The following GALNT14 variants were observed in gnomAD, a reference collection of about 807,000 sequenced individuals.
GALNT14 encodes the protein polypeptide N-acetylgalactosaminyltransferase 14, also known as UDP-GalNAc:polypeptide N-acetylgalactosaminyltransferase 14.
Under a neutral mutation model 77.5 loss-of-function variants are expected in GALNT14, and 60 were observed. The ratio of observed to expected loss-of-function variants is 0.77; its 90% confidence interval spans 0.63 to 0.96. GALNT14 has a LOEUF of 0.96. GALNT14 is among the 40% of genes least tolerant of loss of function. The probability of loss-of-function intolerance (pLI) is 0.00; values close to 1 mark genes in which losing one functional copy is unlikely to be tolerated. For synonymous variants in GALNT14, 280 were observed against 281.7 expected (o/e 0.99, Z 0.06); for missense variants, 710 against 731.0 (o/e 0.97, Z 0.33).
intron 1 of GALNT14, among the ~76,000 whole-genome samples, chr2:31,045,447 C>G (rs945911857): frequency 5.3e-5 from 8 of 152,118 alleles, no homozygotes; most frequent in African/African-American, 1.9e-4. Flanking sequence ...CATGACCCCT[C>G]CCCCATTTTC....
chr2:31,047,039 C>T lies in GALNT14; in HGVS notation c.130-54032G>A, dbSNP rs546404883. Among the ~76,000 whole-genome samples, 214 of 152,306 alleles carry T rather than the reference C, an allele frequency of 1.4e-3. 2 individuals carry two copies. The highest frequency in any genetic ancestry group is 4.7e-3 in the African/African-American group (197 of 41,558). On this transcript the variant is annotated intron_variant, in intron 1 of 14. Transcript: ENST00000349752. ...GAAGTGGCTTGGCTGGAAGTAGAAC[C>T]TCCTGTGTGGGGTGTAATCTCACAG...
At chr2:31,078,031 CAG>C (rs1675909438) in intron 1 of GALNT14, among the ~76,000 whole-genome samples, 1 of 152,186 alleles carries the variant, frequency 6.6e-6, no homozygotes, top group Non-Finnish European at 1.5e-5. Flanking sequence ...CAGCTTAAGT[CAG>C]AAGCTGAGGA....
intron 1 of GALNT14, among the ~76,000 whole-genome samples, chr2:31,041,452 G>T (rs937835782): frequency 2.6e-5 from 4 of 152,134 alleles, no homozygotes; most frequent in African/African-American, 9.7e-5. Context: ...GGCACTGCAG[G>T]CCAGGGGAGA....
intron 1 of GALNT14, among the ~76,000 whole-genome samples, chr2:30,999,749 A>T (rs924623782): frequency 6.6e-6 from 1 of 152,222 alleles, no homozygotes; most frequent in African/African-American, 2.4e-5. Flanking sequence ...ACCATATTTT[A>T]TCAGGAGGAG....
chr2:30,949,023 C>T (rs1666869237), intron 6 of GALNT14, among the ~76,000 whole-genome samples: 2 of 152,104 alleles, frequency 1.3e-5, no homozygotes, highest in Admixed American at 1.3e-4. Context: ...TCATAGCTCA[C>T]TTGTGGTATC....
Position 31,028,181 on chromosome 2 carries a change from T to C in GALNT14, c.130-35174A>G, listed in dbSNP as rs764551030. On this transcript the variant is annotated intron_variant, in intron 1 of 14. Transcript: ENST00000349752. Reference sequence around the variant, plus strand: ...CAGGAAGTTGAGGTCCTCACCCACATAGTTGCTCAGGTGAGGTTGCTTGGC... The same window carrying C: ...CAGGAAGTTGAGGTCCTCACCCACACAGTTGCTCAGGTGAGGTTGCTTGGC... Among the ~76,000 whole-genome samples, 6 of 152,292 alleles carry C rather than the reference T, an allele frequency of 3.9e-5. No homozygotes were observed. The East Asian group carries it at 9.7e-4, about 25-fold the overall frequency.
At chr2:30,921,366 G>A (rs1665020394) in intron 13 of GALNT14, among the ~76,000 whole-genome samples, 2 of 152,232 alleles carry the variant, frequency 1.3e-5, no homozygotes, top group South Asian at 4.1e-4. Context: ...ACAGGGATGT[G>A]TGTCCCCTAC....
chr2:31,075,197 C>T (rs1675683546), intron 1 of GALNT14, among the ~76,000 whole-genome samples: 1 of 152,200 alleles, frequency 6.6e-6, no homozygotes, highest in Non-Finnish European at 1.5e-5. Flanking sequence ...GCCTGCTTCC[C>T]CTTTGCCTTC....
chr2:30,911,433 G>C (rs1033391591), intron 14 of GALNT14, among the ~76,000 whole-genome samples: 5 of 152,166 alleles, frequency 3.3e-5, no homozygotes, highest in African/African-American at 1.2e-4. Context: ...CAGCGAGTGT[G>C]ATGGCAGGAG....
At chr2:31,123,621 A>C (rs555220800) in intron 1 of GALNT14, among the ~76,000 whole-genome samples, 7 of 152,326 alleles carry the variant, frequency 4.6e-5, no homozygotes, top group Admixed American at 4.6e-4. Flanking sequence ...TCTTCTTCTA[A>C]TAAGCAGCCC....
chr2:30,950,144 A>G (rs973931882), intron 6 of GALNT14, among the ~76,000 whole-genome samples: 2 of 152,258 alleles, frequency 1.3e-5, no homozygotes, highest in African/African-American at 2.4e-5. Flanking sequence ...ATGTGATAAG[A>G]CTTTGAAGAA....
chr2:30,982,083 G>A (rs981346010), intron 2 of GALNT14, among the ~76,000 whole-genome samples: 1 of 152,160 alleles, frequency 6.6e-6, no homozygotes, highest in African/African-American at 2.4e-5. Context: ...GGGGCAAAAC[G>A]CTTGCTCGGG....
intron 2 of GALNT14, among the ~76,000 whole-genome samples, chr2:30,971,532 T>C (rs1668356515): frequency 6.6e-6 from 1 of 152,144 alleles, no homozygotes; most frequent in Non-Finnish European, 1.5e-5. Flanking sequence ...TGTTTCTTTC[T>C]CTTCCATTTT....
At chr2:31,137,713 T>A (rs1179295550) in intron 1 of GALNT14, among the ~76,000 whole-genome samples, 2 of 152,084 alleles carry the variant, frequency 1.3e-5, no homozygotes, top group East Asian at 3.9e-4. Flanking sequence ...GGAGCCCCGC[T>A]CCGCAGGCGA....
intron 1 of GALNT14, among the ~76,000 whole-genome samples, chr2:31,085,943 G>A (rs764923145): frequency 4.6e-5 from 7 of 152,192 alleles, no homozygotes; most frequent in South Asian, 2.1e-4. Context: ...GCAAGGGAGC[G>A]TTTGCAGGGG....
intron 1 of GALNT14, among the ~76,000 whole-genome samples, chr2:31,035,210 AC>A (rs746806027): frequency 2.0e-5 from 3 of 152,074 alleles, no homozygotes; most frequent in Non-Finnish European, 4.4e-5. Flanking sequence ...TGAAGTTTCT[AC>A]CTATAATTAT....
At position 31,043,181 on chromosome 2, in the gene GALNT14, C is replaced by T. The variant is rs111729527; in HGVS notation, c.130-50174G>A. ...ATATGTCTCCCAGATATCTGCAAGA[C>T]TAAGTCCCTCACCTCCTTAAGTAAG... is the stretch of plus-strand genomic sequence containing the variant. On this transcript the variant is annotated intron_variant, in intron 1 of 14. Transcript: ENST00000349752. Among the ~76,000 whole-genome samples, 982 of 152,302 alleles carry T rather than the reference C, an allele frequency of 6.4e-3. 6 individuals carry two copies. The highest frequency in any genetic ancestry group is 0.011 in the South Asian group (51 of 4,822).
At chr2:30,953,463 C>A (rs1204751307) in intron 6 of GALNT14, among the ~76,000 whole-genome samples, 1 of 152,134 alleles carries the variant, frequency 6.6e-6, no homozygotes, top group African/African-American at 2.4e-5. Flanking sequence ...TGCGTGCCAC[C>A]ACACTCAGCT....
chr2:31,049,927 G>A (rs1269945951), intron 1 of GALNT14, among the ~76,000 whole-genome samples: 1 of 152,040 alleles, frequency 6.6e-6, no homozygotes, highest in African/African-American at 2.4e-5. Flanking sequence ...AAATTCTTGG[G>A]GGGCAAAGTA....
Sources: gnomAD v4.1 joint callset for allele counts (sites outside exome capture counted in the v4.1 genomes callset) on GRCh38, gnomAD v4.1.1 for gene constraint, MANE v1.5 for transcripts, NCBI Gene and HGNC (gene_info 2026-07-23, HGNC 2026-07-21) for gene names.